Variants in ANAPC2 observed in about 807,000 individuals in gnomAD.
ANAPC2 encodes the protein anaphase-promoting complex subunit 2.
Under a neutral mutation model 84.3 loss-of-function variants are expected in ANAPC2, and 29 were observed. The observed-to-expected ratio is 0.34, with a 90% CI of 0.26 to 0.47. The LOEUF is 0.47. Ranked by LOEUF, ANAPC2 falls within the 20% of genes least tolerant of loss-of-function variation. ANAPC2 has a pLI of 1.00. For synonymous variants in ANAPC2, 571 were observed against 479.4 expected, an observed-to-expected ratio of 1.19 and a Z score of -2.50; for missense variants, 857 against 1,131.7, an observed-to-expected ratio of 0.76 and a Z score of 3.48.
Position 137,188,185 on chromosome 9 carries a change from G to C in ANAPC2, c.118-82C>G, listed in dbSNP as rs1046070764. ...GGGGAAGGGAAGAAGCTGAGGGGGAGGCTGCAAAAACTCCGCTGCCCCCTG... is the reference window on the plus strand; with the variant it reads ...GGGGAAGGGAAGAAGCTGAGGGGGACGCTGCAAAAACTCCGCTGCCCCCTG... On this transcript the variant is annotated intron_variant, in intron 1 of 12. Coordinates refer to ENST00000323927, the MANE Select transcript of ANAPC2 (RefSeq NM_013366.4). The C allele has an allele frequency of 3.3e-6, 5 of 1,517,566 alleles. No homozygotes were observed. In the African/African-American group the frequency reaches 6.9e-5, roughly 21 times the overall value. The allele number at this position is 1,517,566 out of a possible 1,614,324, so 94.0% of individuals were successfully genotyped here. A position where few individuals can be genotyped will look rare whatever the true frequency, so the allele number is the denominator to read the frequency against.
rs374832164 is a variant in ANAPC2 at position 137,185,076 on chromosome 9, C to T, written c.885G>A (p.Arg295=). The T allele has an allele frequency of 9.1e-6, 14 of 1,543,596 alleles. No individual in the cohort carries two copies. The African/African-American group carries it at 1.8e-4, about 20-fold the overall frequency. The change falls in exon 4 of 13, where the codon CGG becomes CGA. Residue 295 remains arginine, a synonymous_variant. Transcript: ENST00000323927. ...ACACCTTGCCGAGCCAGCCGACCAC[C>T]CGCTCGATCCACTGTCAGGAGAACG... ...FLREFHKWIE[R]VVGWLGKVFL... is the part of the protein sequence containing the mutation.
Position 137,181,725 on chromosome 9 carries a change from C to T in ANAPC2, c.1424G>A (p.Gly475Asp). The change falls in exon 7 of 13, where the codon GGC becomes GAC. Residue 475 changes from glycine (G) to aspartate (D), a missense_variant. Coordinates refer to ENST00000323927, the MANE Select transcript of ANAPC2 (RefSeq NM_013366.4). ...ETGQDSEDDS[G>D]EPEDWVPDPV... ...GTCCGGGACCCAGTCCTCTGGCTCGCCTGAGTCATCCTCACTGTCCTGGCC... is the reference window on the plus strand; with the variant it reads ...GTCCGGGACCCAGTCCTCTGGCTCGTCTGAGTCATCCTCACTGTCCTGGCC... The T allele has an allele frequency of 6.2e-7, 1 of 1,612,078 alleles. No homozygotes were observed. The highest frequency in any genetic ancestry group is 8.5e-7 in the Non-Finnish European group (1 of 1,179,604).
intron 11 of ANAPC2, 33 bp from the exon 12 acceptor site, chr9:137,175,505 C>T: frequency 6.6e-7 from 1 of 1,523,698 alleles, no homozygotes; most frequent in South Asian, 1.2e-5. Context: ...GCTGGGCAGC[C>T]TGGGCACGGG....
rs375455687 is a variant in ANAPC2 at position 137,185,010 on chromosome 9, G to A, written c.951C>T (p.Ala317=). The A allele has an allele frequency of 1.4e-4, 231 of 1,604,914 alleles. No individual in the cohort carries two copies. Among genetic ancestry groups the A allele is most frequent in the Non-Finnish European group, 1.8e-4 (207 of 1,176,812 alleles). The part of the protein sequence containing the change: ...DGPARPASPE[A]GNTLRRWRCH... ...AGCGCCAGCGGCGCAGGGTGTTGCC[G>A]GCCTCGGGAGATGCGGGCCTGGCGG... is the stretch of plus-strand genomic sequence containing the variant. Residue 317 remains alanine (A), a synonymous_variant, in exon 4 of 13, where the codon GCC becomes GCT. Transcript: ENST00000323927.
At chr9:137,180,070 CCA>C in intron 10 of ANAPC2, 109 bp downstream of exon 10, 1 of 1,275,952 alleles carries the variant, frequency 7.8e-7, no homozygotes, top group Non-Finnish European at 1.1e-6. Context: ...CAGGACCAAC[CCA>C]GAGACACTCG....
intron 10 of ANAPC2, among the ~76,000 whole-genome samples, chr9:137,179,743 C>G (rs1834300603): frequency 6.6e-6 from 1 of 152,216 alleles, no homozygotes. Context: ...GTCAGGTGCG[C>G]CTGGGAGTGC....
chr9:137,179,453 T>C (rs1834294820), intron 10 of ANAPC2, among the ~76,000 whole-genome samples: 1 of 152,132 alleles, frequency 6.6e-6, no homozygotes, highest in South Asian at 2.1e-4. Flanking sequence ...CAAGCCTAGT[T>C]CCATCCCTCA....
intron 10 of ANAPC2, among the ~76,000 whole-genome samples, chr9:137,179,223 C>T (rs566493483): frequency 2.6e-5 from 4 of 152,266 alleles, no homozygotes; most frequent in East Asian, 1.9e-4. Context: ...ACATGTCCCC[C>T]GCTGGGGTGC....
chr9:137,183,008 G>A (rs966838783), intron 6 of ANAPC2, 117 bp downstream of exon 6: 30 of 797,800 alleles, frequency 3.8e-5, no homozygotes, highest in African/African-American at 1.2e-4. Context: ...CAGCCCAGCC[G>A]GGGGAGACCT....
Position 137,176,052 on chromosome 9 carries a change from C to T in ANAPC2, c.1891-215G>A, listed in dbSNP as rs550098232. On this transcript the variant is annotated intron_variant, in intron 10 of 12. Transcript: ENST00000323927. ...ATGGGGCCAGCATCATAAGGTGTGT[C>T]CCGAAAAGGCTACAGGGGCCTCCTG... is the stretch of plus-strand genomic sequence containing the variant. 13 of 534,990 alleles carry T rather than the reference C, an allele frequency of 2.4e-5. No homozygotes were observed. The Admixed American group carries it at 2.5e-4, about 10-fold the overall frequency. The allele number at this position is 534,990 out of a possible 1,614,324, so 33.1% of individuals were successfully genotyped here.
Position 137,184,887 on chromosome 9 carries a change from G to A in ANAPC2, c.1048+26C>T, listed in dbSNP as rs200422302. 141 of 1,607,286 alleles carry A rather than the reference G, an allele frequency of 8.8e-5. 1 individual carries two copies. The East Asian group carries it at 2.5e-3, about 28-fold the overall frequency. ...GGGAAGACTCCCCAGACGGGAGAGC[G>A]GACCCCAGGGCCGGGGCAGGACCAC... is the stretch of plus-strand genomic sequence containing the variant. On this transcript the variant is annotated intron_variant, in intron 4 of 12. Coordinates refer to ENST00000323927, the MANE Select transcript of ANAPC2 (RefSeq NM_013366.4).
chr9:137,183,921 T>G (rs1834397220), intron 4 of ANAPC2, 130 bp from the exon 5 acceptor site: 2 of 1,251,594 alleles, frequency 1.6e-6, no homozygotes, highest in African/African-American at 1.5e-5. Flanking sequence ...GACCACCTGC[T>G]AGGCACCAGA....
chr9:137,180,091 CG>C, intron 10 of ANAPC2, 89 bp downstream of exon 10: 1 of 1,413,594 alleles, frequency 7.1e-7, no homozygotes, highest in Non-Finnish European at 9.6e-7. Flanking sequence ...CGGGTGACAA[CG>C]GGGCAGCCAC....
intron 4 of ANAPC2, 84 bp from the exon 5 acceptor site, chr9:137,183,875 A>G (rs2131338540): frequency 6.4e-7 from 1 of 1,554,310 alleles, no homozygotes; most frequent in Non-Finnish European, 8.8e-7. Context: ...CGGTGTGGGA[A>G]AGGACACGTG....
intron 4 of ANAPC2, among the ~76,000 whole-genome samples, 183 bp from the exon 5 acceptor site, chr9:137,183,974 T>A (rs1226145874): frequency 1.3e-5 from 2 of 152,098 alleles, no homozygotes; most frequent in African/African-American, 4.8e-5. Context: ...TTGACCACAA[T>A]GCCACAGGGT....
intron 10 of ANAPC2, chr9:137,176,909 G>A (rs1834231516): frequency 6.6e-6 from 1 of 152,310 alleles, no homozygotes; most frequent in African/African-American, 2.4e-5. Context: ...CAATCAGTGA[G>A]GCAGGGACCA....
Position 137,180,168 on chromosome 9 carries a change from G to T in ANAPC2, c.1890+13C>A, listed in dbSNP as rs1393195578. On this transcript the variant is annotated intron_variant, in intron 10 of 12. Transcript: ENST00000323927. ...GTGCCAAGAGCCCATGGGGTGGCCT[G>T]GCATGGAGGTACCTTGAGCTGCTCA... 6.8e-6 allele frequency: 11 copies of T among 1,611,822 alleles called. No homozygotes were observed. Among genetic ancestry groups the T allele is most frequent in the Non-Finnish European group, 9.3e-6 (11 of 1,178,954 alleles).
In ANAPC2 at chr9:137,174,864, C is replaced by A. The variant is rs965220496; in HGVS notation, c.*78G>T. Reference sequence around the variant, plus strand: ...TCAGCAGTGCATTCTGGGACACGGGCGGGCGGGGGCTGGCACGGGAGGACG... The same window carrying A: ...TCAGCAGTGCATTCTGGGACACGGGAGGGCGGGGGCTGGCACGGGAGGACG... On this transcript the variant is annotated 3_prime_UTR_variant, in exon 13 of 13. Transcript: ENST00000323927. The surrounding 1 kb of genome is among the most constrained non-coding windows in gnomAD (Gnocchi z 6.1). 3 of 1,040,206 alleles carry A rather than the reference C, an allele frequency of 2.9e-6. No individual in the cohort carries two copies. The highest frequency in any genetic ancestry group is 3.9e-6 in the Non-Finnish European group (3 of 769,054). 64.4% of individuals were successfully genotyped at this position (1,040,206 alleles called of 1,614,324 possible).
rs763364223 is a variant in ANAPC2 at position 137,174,916 on chromosome 9, G to C, written c.*26C>G. 1 of 1,402,770 alleles carries C rather than the reference G, an allele frequency of 7.1e-7. No individual in the cohort carries two copies. The highest frequency in any genetic ancestry group is 2.7e-5 in the East Asian group (1 of 37,308). 86.9% of individuals were successfully genotyped at this position (1,402,770 alleles called of 1,614,324 possible). A position where few individuals can be genotyped will look rare whatever the true frequency, so the allele number is the denominator to read the frequency against. On this transcript the variant is annotated 3_prime_UTR_variant, in exon 13 of 13. Coordinates refer to ENST00000323927, the MANE Select transcript of ANAPC2 (RefSeq NM_013366.4). The surrounding 1 kb of genome is among the most constrained non-coding windows in gnomAD (Gnocchi z 6.1). ...GAGCACCTGCAGGGCAGCGCCTGGC[G>C]GGCGGGCGGGCGGGCGGGCGATGTG... is the stretch of plus-strand genomic sequence containing the variant.
Sources: allele counts gnomAD v4.1 joint callset (sites outside exome capture counted in the v4.1 genomes callset), GRCh38; gene constraint gnomAD v4.1.1; non-coding constraint Gnocchi (gnomAD v3.1); transcripts MANE v1.5; gene names NCBI Gene and HGNC (gene_info 2026-07-23, HGNC 2026-07-21).